Variants in RABGAP1L observed in about 807,000 individuals in gnomAD.
RABGAP1L encodes RAB GTPase activating protein 1 like.
RABGAP1L carries 63 observed loss-of-function variants against 137.7 expected under a neutral mutation model. The ratio of observed to expected loss-of-function variants is 0.46; its 90% CI spans 0.37 to 0.56. RABGAP1L has a LOEUF of 0.56. Among genes scored for constraint, RABGAP1L ranks in the 20% least tolerant of loss-of-function variants. The probability of loss-of-function intolerance (pLI) is 0.00; values close to 1 mark genes in which losing one functional copy is unlikely to be tolerated. For synonymous variants in RABGAP1L, 431 were observed against 433.7 expected (o/e 0.99, Z 0.08); for missense variants, 1,095 against 1,244.0 (o/e 0.88, Z 1.80).
intron 13 of RABGAP1L, among the ~76,000 whole-genome samples, chr1:174,436,328 CTT>C (rs906432242): frequency 7.2e-5 from 11 of 152,192 alleles, no homozygotes; most frequent in African/African-American, 2.7e-4. Context: ...TGTTTCCTGA[CTT>C]TTTAATGATC....
Position 174,990,003 on chromosome 1 carries a change from T to A in RABGAP1L, c.*2T>A. ...CAGCCACCCAAGGAGAGCACATAGT[T>A]CCAGCCTTACCCAAGCACAAGAGCA... is the stretch of plus-strand genomic sequence containing the variant. On this transcript the variant is annotated 3_prime_UTR_variant, in exon 26 of 26. Transcript: ENST00000681986. The A allele has an allele frequency of 6.5e-7, 1 of 1,537,938 alleles. No homozygotes were observed. Among genetic ancestry groups the A allele is most frequent in the Non-Finnish European group, 8.8e-7 (1 of 1,135,586 alleles).
rs555822951 is a variant in RABGAP1L, at chr1:174,696,146, T to C, written c.1900-3379T>C. Among the ~76,000 whole-genome samples the C allele has an allele frequency of 2.0e-5, 3 of 152,102 alleles. No homozygotes were observed. In the East Asian group the frequency reaches 5.8e-4, roughly 29 times the overall value. ...GGCCCCAGGGTCTTTCCATTCAGGGTAGCAGGTTTCCTTCTGGCCCAGGAT... is the reference window on the plus strand; with the variant it reads ...GGCCCCAGGGTCTTTCCATTCAGGGCAGCAGGTTTCCTTCTGGCCCAGGAT... On this transcript the variant is annotated intron_variant, in intron 15 of 25. Coordinates refer to ENST00000681986, the MANE Select transcript of RABGAP1L (RefSeq NM_001366446.1).
At chr1:174,918,505 A>G (rs947147050) in intron 19 of RABGAP1L, among the ~76,000 whole-genome samples, 2 of 152,176 alleles carry the variant, frequency 1.3e-5, no homozygotes, top group African/African-American at 4.8e-5. Flanking sequence ...ACACAGGGCC[A>G]GGCATGGTGG....
At chr1:174,817,770 T>C (rs1250807449) in intron 19 of RABGAP1L, among the ~76,000 whole-genome samples, 1 of 152,198 alleles carries the variant, frequency 6.6e-6, no homozygotes, top group African/African-American at 2.4e-5. Context: ...TCAGGAGCTG[T>C]TGCAGTCATC....
chr1:174,568,496 C>G (rs1208455118), intron 13 of RABGAP1L, among the ~76,000 whole-genome samples: 1 of 152,168 alleles, frequency 6.6e-6, no homozygotes, highest in African/African-American at 2.4e-5. Flanking sequence ...TAATTTAATA[C>G]TTTTGGTGGT....
intron 11 of RABGAP1L, among the ~76,000 whole-genome samples, chr1:174,342,185 A>G (rs1043410662): frequency 1.3e-5 from 2 of 152,202 alleles, no homozygotes; most frequent in Non-Finnish European, 2.9e-5. Context: ...TTAACATTTT[A>G]ACATTTTAAT....
chr1:174,672,182 T>TA (rs1296779074), intron 14 of RABGAP1L, among the ~76,000 whole-genome samples: 1 of 152,048 alleles, frequency 6.6e-6, no homozygotes, highest in African/African-American at 2.4e-5. Context: ...TCTCCTTTTT[T>TA]ATCTCTGATT....
chr1:174,726,117 A>T (rs774727549), intron 17 of RABGAP1L, among the ~76,000 whole-genome samples: 3 of 152,126 alleles, frequency 2.0e-5, no homozygotes, highest in Non-Finnish European at 4.4e-5. Context: ...TTCTGAGGGT[A>T]TAGTAATTAT....
intron 13 of RABGAP1L, among the ~76,000 whole-genome samples, chr1:174,467,288 G>A (rs1319811770): frequency 6.6e-6 from 1 of 151,728 alleles, no homozygotes; most frequent in East Asian, 1.9e-4. Flanking sequence ...CTTAAAATTT[G>A]TCTTCTCTGT....
intron 11 of RABGAP1L, among the ~76,000 whole-genome samples, chr1:174,314,391 C>A (rs1426595807): frequency 1.3e-5 from 2 of 151,974 alleles, no homozygotes; most frequent in African/African-American, 4.8e-5. Context: ...TTATCTGTAT[C>A]TTTTTGCTTT....
At chr1:174,408,230 T>C (rs1408375376) in intron 13 of RABGAP1L, among the ~76,000 whole-genome samples, 1 of 152,174 alleles carries the variant, frequency 6.6e-6, no homozygotes, top group Non-Finnish European at 1.5e-5. Flanking sequence ...TTCAGCCTTC[T>C]GTTAGCCTCC....
chr1:174,800,945 T>G (rs569688219), intron 18 of RABGAP1L, among the ~76,000 whole-genome samples: 10 of 152,348 alleles, frequency 6.6e-5, no homozygotes, highest in African/African-American at 2.4e-4. Flanking sequence ...TGTTGTTTTG[T>G]TTTGTTTTTT....
intron 13 of RABGAP1L, among the ~76,000 whole-genome samples, chr1:174,402,414 G>A (rs564189942): frequency 9.3e-4 from 141 of 152,132 alleles, no homozygotes; most frequent in Non-Finnish European, 1.7e-3. Context: ...GTATGGAAAT[G>A]AAAATTTATA....
chr1:174,295,364 C>A (rs1015369441), intron 10 of RABGAP1L, among the ~76,000 whole-genome samples: 4 of 151,930 alleles, frequency 2.6e-5, no homozygotes, highest in Non-Finnish European at 5.9e-5. Context: ...AGGTGTGTGC[C>A]ACCACACCTG....
chr1:174,328,000 T>TACACAC, intron 11 of RABGAP1L, among the ~76,000 whole-genome samples: 1 of 104,144 alleles, frequency 9.6e-6, no homozygotes, highest in African/African-American at 5.1e-5. Flanking sequence ...TATATATATA[T>TACACAC]ATATATATAT....
chr1:174,280,588 G>A (rs1435049401), intron 10 of RABGAP1L, among the ~76,000 whole-genome samples: 1 of 152,178 alleles, frequency 6.6e-6, no homozygotes, highest in Non-Finnish European at 1.5e-5. Context: ...AGAACTTTAT[G>A]TGTGGGCAGT....
chr1:174,201,335 T>TACAG, intron 1 of RABGAP1L, among the ~76,000 whole-genome samples: 1 of 151,884 alleles, frequency 6.6e-6, no homozygotes, highest in East Asian at 1.9e-4. Context: ...TAGCTGGGAT[T>TACAG]ACAGGCACCC....
At chr1:174,250,303 A>G (rs1486959182) in intron 5 of RABGAP1L, among the ~76,000 whole-genome samples, 172 bp from the exon 6 acceptor site, 1 of 152,042 alleles carries the variant, frequency 6.6e-6, no homozygotes, top group East Asian at 1.9e-4. Flanking sequence ...AGTGATGAAA[A>G]TGTTGTCATG....
intron 13 of RABGAP1L, among the ~76,000 whole-genome samples, chr1:174,430,637 A>AC (rs1246942068): frequency 6.6e-6 from 1 of 152,214 alleles, no homozygotes; most frequent in Non-Finnish European, 1.5e-5. Flanking sequence ...TCCAAATTTC[A>AC]CACAAACCTA....
Sources: allele counts gnomAD v4.1 joint callset (sites outside exome capture counted in the v4.1 genomes callset), GRCh38; gene constraint gnomAD v4.1.1; transcripts MANE v1.5; gene names NCBI Gene and HGNC (gene_info 2026-07-23, HGNC 2026-07-21).